The following SRPK2 variants were observed in gnomAD, a reference collection of about 807,000 sequenced individuals.
SRPK2 encodes SFRS protein kinase 2.
Under a neutral mutation model 90.8 loss-of-function variants are expected in SRPK2, and 21 were observed. The ratio of observed to expected loss-of-function variants is 0.23; its 90% CI spans 0.16 to 0.33. The LOEUF (loss-of-function observed/expected upper bound fraction) is 0.33. SRPK2 is among the 10% of genes least tolerant of loss of function. The pLI, the probability that SRPK2 is intolerant of heterozygous loss-of-function variation, is 1.00. For synonymous variants in SRPK2, 288 were observed against 311.1 expected (o/e 0.93, Z 0.78); for missense variants, 620 against 869.0 (o/e 0.71, Z 3.60).
At chr7:105,373,740 T>C (rs1819974729) in intron 2 of SRPK2, among the ~76,000 whole-genome samples, 1 of 151,884 alleles carries the variant, frequency 6.6e-6, no homozygotes, top group Non-Finnish European at 1.5e-5. Context: ...CCAAGCCCTC[T>C]TCTCTCCACC....
At chr7:105,198,009 G>A (rs920622143) in intron 3 of SRPK2, among the ~76,000 whole-genome samples, 2 of 152,150 alleles carry the variant, frequency 1.3e-5, no homozygotes, top group Non-Finnish European at 2.9e-5. Flanking sequence ...GAGGGTTCTG[G>A]AAAAAGTTAG....
intron 7 of SRPK2, among the ~76,000 whole-genome samples, chr7:105,153,066 A>C (rs1474391753): frequency 1.3e-5 from 2 of 152,100 alleles, no homozygotes; most frequent in African/African-American, 2.4e-5. Flanking sequence ...ACTTGGTGCT[A>C]GCAGCAGGAG....
intron 2 of SRPK2, among the ~76,000 whole-genome samples, chr7:105,245,212 G>C (rs1014608976): frequency 1.3e-5 from 2 of 152,152 alleles, no homozygotes; most frequent in Non-Finnish European, 2.9e-5. Context: ...CTTGCGTCTC[G>C]AGCTAGTGGA....
intron 2 of SRPK2, among the ~76,000 whole-genome samples, chr7:105,348,607 G>C (rs548969176): frequency 6.6e-6 from 1 of 151,088 alleles, no homozygotes; most frequent in South Asian, 2.1e-4. Flanking sequence ...TATTTTAGTA[G>C]AGATGAGATT....
intron 2 of SRPK2, among the ~76,000 whole-genome samples, chr7:105,283,010 G>A (rs1393833491): frequency 1.3e-5 from 2 of 151,898 alleles, no homozygotes; most frequent in African/African-American, 4.8e-5. Flanking sequence ...GCCAAAAGAA[G>A]AAAAACAAGT....
intron 3 of SRPK2, among the ~76,000 whole-genome samples, chr7:105,201,456 T>G (rs144917545): frequency 6.6e-6 from 1 of 152,210 alleles, no homozygotes; most frequent in East Asian, 1.9e-4. Flanking sequence ...GGGGTTTGGA[T>G]GTCCACTGTG....
chr7:105,140,431 T>A lies in SRPK2; in HGVS notation c.1543+1577A>T, dbSNP rs1803547145. Among the ~76,000 whole-genome samples the A allele has an allele frequency of 2.0e-5, 3 of 152,016 alleles. No homozygotes were observed. In the South Asian group the frequency reaches 6.2e-4, roughly 32 times the overall value. ...GCCTGGCCAACATGGTGAAGCTCTG[T>A]CTATACTAAAAATATAAAAATTAGC... On this transcript the variant is annotated intron_variant, in intron 11 of 15. Transcript: ENST00000393651.
intron 10 of SRPK2, among the ~76,000 whole-genome samples, 198 bp from the exon 11 acceptor site, chr7:105,142,688 T>C (rs528848242): frequency 1.3e-5 from 2 of 152,340 alleles, no homozygotes; most frequent in Admixed American, 1.3e-4. Flanking sequence ...CCTGCTCTTA[T>C]AAGAAAAAGT....
At chr7:105,129,017 C>A (rs1317629643) in intron 13 of SRPK2, among the ~76,000 whole-genome samples, 2 of 152,230 alleles carry the variant, frequency 1.3e-5, no homozygotes, top group Non-Finnish European at 1.5e-5. Flanking sequence ...GTCACCCAGG[C>A]TGGAGTGCAG....
upstream of SRPK2, among the ~76,000 whole-genome samples, chr7:105,391,605 T>C (rs1426244946): frequency 6.6e-6 from 1 of 151,830 alleles, no homozygotes; most frequent in Non-Finnish European, 1.5e-5. Flanking sequence ...AGTCCAGGAG[T>C]TGGCGGCTGC....
intron 2 of SRPK2, among the ~76,000 whole-genome samples, chr7:105,286,497 G>A (rs566037255): frequency 2.6e-5 from 4 of 152,252 alleles, no homozygotes; most frequent in Non-Finnish European, 5.9e-5. Context: ...TAAGCGCTGG[G>A]TAATTTGGGC....
chr7:105,178,479 C>G (rs930166976), intron 3 of SRPK2, among the ~76,000 whole-genome samples: 2 of 152,120 alleles, frequency 1.3e-5, no homozygotes, highest in African/African-American at 4.8e-5. Context: ...AAAACCAGAG[C>G]AAAGGCTAAT....
intron 2 of SRPK2, chr7:105,301,497 G>A (rs750346015): frequency 4.1e-6 from 5 of 1,231,482 alleles, no homozygotes; most frequent in East Asian, 2.3e-5. Context: ...GTCCACTCAG[G>A]AGGCGCCCCG....
At chr7:105,321,450 T>C (rs545342180) in intron 2 of SRPK2, among the ~76,000 whole-genome samples, 2 of 152,056 alleles carry the variant, frequency 1.3e-5, no homozygotes, top group East Asian at 3.9e-4. Flanking sequence ...AAAAAGCACA[T>C]ACAACAAAAG....
chr7:105,326,741 T>C (rs1363240637), intron 2 of SRPK2, among the ~76,000 whole-genome samples: 1 of 152,168 alleles, frequency 6.6e-6, no homozygotes, highest in Non-Finnish European at 1.5e-5. Context: ...TGACTACAGG[T>C]CTACCACATG....
rs571106213 is a variant in SRPK2 at position 105,275,220 on chromosome 7, C to A, written c.72-71435G>T. 7.9e-5 allele frequency among the ~76,000 whole-genome samples: 12 copies of A among 152,264 alleles called. No homozygotes were observed. The South Asian group carries it at 2.5e-3, about 32-fold the overall frequency. On this transcript the variant is annotated intron_variant, in intron 2 of 15. Transcript: ENST00000393651. ...CTTTCCTTGTGGAGAGCAGCAGGAC[C>A]TAGACCAAACCCCTGGCATTTTGGT...
At chr7:105,365,487 C>CAAAAAA (rs374198950) in intron 2 of SRPK2, among the ~76,000 whole-genome samples, 1 of 69,708 alleles carries the variant, frequency 1.4e-5, no homozygotes, top group African/African-American at 5.4e-5. Flanking sequence ...AATTCTGTCT[C>CAAAAAA]AAAAAAAAAA....
chr7:105,362,496 G>A (rs1435061696), intron 2 of SRPK2, among the ~76,000 whole-genome samples: 1 of 144,478 alleles, frequency 6.9e-6, no homozygotes, highest in Non-Finnish European at 1.5e-5. Context: ...CAGCCTGGGC[G>A]ACAGAGCAAG....
At chr7:105,196,924 C>T (rs755939154) in intron 3 of SRPK2, among the ~76,000 whole-genome samples, 1 of 151,972 alleles carries the variant, frequency 6.6e-6, no homozygotes, top group Non-Finnish European at 1.5e-5. Context: ...GTGGTGCATG[C>T]CTGTAATCCA....
Sources: gnomAD v4.1 joint callset for allele counts (sites outside exome capture counted in the v4.1 genomes callset) on GRCh38, gnomAD v4.1.1 for gene constraint, MANE v1.5 for transcripts, NCBI Gene and HGNC (gene_info 2026-07-23, HGNC 2026-07-21) for gene names.